Variants in STK40 observed in about 807,000 individuals in gnomAD.
STK40 encodes serine/threonine kinase 40.
Under a neutral mutation model 47.9 loss-of-function variants are expected in STK40, and 13 were observed. That is an observed-to-expected ratio of 0.27 (90% CI 0.18 to 0.43). The LOEUF is 0.43. Among genes scored for constraint, STK40 ranks in the 20% least tolerant of loss-of-function variants. The probability of loss-of-function intolerance (pLI) is 1.00; values close to 1 mark genes in which losing one functional copy is unlikely to be tolerated. For missense variants in STK40, 460 were observed against 595.1 expected (o/e 0.77, Z 2.36); for synonymous variants, 225 against 243.2 (o/e 0.93, Z 0.69).
Position 36,341,326 on chromosome 1 carries a change from A to C in STK40, c.*429T>G, listed in dbSNP as rs1303155397. The C allele has an allele frequency of 1.2e-5, 2 of 163,340 alleles. No individual in the cohort carries two copies. Among genetic ancestry groups the C allele is most frequent in the Non-Finnish European group, 2.7e-5 (2 of 74,404 alleles). The allele number at this position is 163,340 out of a possible 1,614,324, so 10.1% of individuals were successfully genotyped here. The stretch of plus-strand genomic sequence containing the variant: ...GGCCTGGGAGAGCAGGGAGGAGGGG[A>C]AGCTCGCTCTGGGGCCTGCAGCGAG... On this transcript the variant is annotated 3_prime_UTR_variant, in exon 11 of 11. Transcript: ENST00000373132.
In STK40 at chr1:36,355,212, C is replaced by G. The variant is rs758669770; in HGVS notation, c.564G>C (p.Leu188=). Residue 188 remains leucine (L), a synonymous_variant, in exon 5 of 11, where the codon CTG becomes CTC. Transcript: ENST00000373132. ...CAGCAGGGTGTGGCCTCACCTGGTG[C>G]AGGGCCTCCACCACGCGGACCACGT... The part of the protein sequence containing the change: ...FYDVVRVVEA[L]HQKNIVHRDL... The G allele has an allele frequency of 3.1e-6, 5 of 1,613,432 alleles. 1 individual carries two copies. In the South Asian group the frequency reaches 5.5e-5, roughly 18 times the overall value.
rs57138983 is a variant in STK40 at position 36,371,685 on chromosome 1, C to CAAA, written c.-8-10348_-8-10346dup. Among the ~76,000 whole-genome samples the CAAA allele has an allele frequency of 1.0e-3, 29 of 28,020 alleles. 3 individuals are homozygous for CAAA. The highest frequency in any genetic ancestry group is 2.9e-3 in the African/African-American group (26 of 8,850). 18.4% of individuals were successfully genotyped at this position (28,020 alleles called of 152,430 possible). A position where few individuals can be genotyped will look rare whatever the true frequency, so the allele number is the denominator to read the frequency against. ...GCGTGACAGAGCAAGACCCTGTCTC[C>CAAA]AAAAAAAAAAAAAAAAAAAAAAAAA... On this transcript the variant is annotated intron_variant, in intron 1 of 10. Coordinates refer to ENST00000373132, the MANE Select transcript of STK40 (RefSeq NM_001282547.2).
In STK40 at chr1:36,344,167, C is replaced by A. The variant is rs1271356966; in HGVS notation, c.837G>T (p.Pro279=). ...YGQFPFYDSI[P]QELFRKIKAA... The stretch of plus-strand genomic sequence containing the variant: ...CCTTGATCTTGCGGAAGAGCTCCTG[C>A]GGGATGCTGTCGTAGAAGGGGAACT... The change falls in exon 8 of 11, where the codon CCG becomes CCT. Residue 279 remains proline (P), a synonymous_variant. Coordinates refer to ENST00000373132, the MANE Select transcript of STK40 (RefSeq NM_001282547.2). The A allele has an allele frequency of 1.2e-6, 2 of 1,612,876 alleles. No homozygotes were observed. The highest frequency in any genetic ancestry group is 3.3e-5 in the Admixed American group (2 of 59,898).
At chr1:36,366,009 G>A (rs1459763237) in intron 1 of STK40, 2 of 152,146 alleles carry the variant, frequency 1.3e-5, no homozygotes, top group African/African-American at 2.4e-5. Context: ...CAGGGTCGGC[G>A]GCCCTGGGCC....
chr1:36,357,981 A>C lies in STK40; in HGVS notation c.342+258T>G, dbSNP rs75109758. Among the ~76,000 whole-genome samples the C allele has an allele frequency of 5.8e-3, 885 of 152,312 alleles. 6 individuals are homozygous for C. Among genetic ancestry groups the C allele is most frequent in the African/African-American group, 0.02 (835 of 41,558 alleles). On this transcript the variant is annotated intron_variant, in intron 4 of 10. Coordinates refer to ENST00000373132, the MANE Select transcript of STK40 (RefSeq NM_001282547.2). ...TCTCGGAAAAGTGGCTCTTCAAAGA[A>C]AGCCTGGCTGCTGTTAAGATGCAAA...
intron 1 of STK40, among the ~76,000 whole-genome samples, chr1:36,383,281 C>T (rs747151811): frequency 6.6e-5 from 10 of 152,220 alleles, no homozygotes; most frequent in Non-Finnish European, 1.5e-4. Flanking sequence ...TACTGCCTTC[C>T]CCAAAGGTCA....
chr1:36,358,870 CACG>C, intron 2 of STK40, 48 bp from the exon 3 acceptor site: 1 of 1,608,252 alleles, frequency 6.2e-7, no homozygotes, highest in Non-Finnish European at 8.5e-7. Flanking sequence ...CCCTGGCTGT[CACG>C]ACGCCAGGTC....
rs1349349518 is a variant in STK40 at position 36,341,622 on chromosome 1, G to A, written c.*133C>T. ...TCTGCTGACCCCACGTGTGACCTGG[G>A]CTGTCCCTGTCCCTGCCCTGTCCCT... On this transcript the variant is annotated 3_prime_UTR_variant, in exon 11 of 11. Transcript: ENST00000373132. 6 of 1,084,156 alleles carry A rather than the reference G, an allele frequency of 5.5e-6. No homozygotes were observed. Among genetic ancestry groups the A allele is most frequent in the Non-Finnish European group, 7.9e-6 (6 of 756,252 alleles). 67.2% of individuals were successfully genotyped at this position (1,084,156 alleles called of 1,614,324 possible). A position where few individuals can be genotyped will look rare whatever the true frequency, so the allele number is the denominator to read the frequency against.
intron 1 of STK40, among the ~76,000 whole-genome samples, chr1:36,375,780 G>T (rs545375268): frequency 6.6e-6 from 1 of 152,090 alleles, no homozygotes; most frequent in South Asian, 2.1e-4. Context: ...CAGCACTTTG[G>T]GAGGCTGAGG....
At chr1:36,349,564 G>T (rs533940074) in intron 6 of STK40, among the ~76,000 whole-genome samples, 85 of 152,320 alleles carry the variant, frequency 5.6e-4, no homozygotes, top group African/African-American at 2.0e-3. Flanking sequence ...CCCAGGCCCC[G>T]AATGACTTTT....
chr1:36,377,092 C>T (rs1459570800), intron 1 of STK40, among the ~76,000 whole-genome samples: 1 of 151,974 alleles, frequency 6.6e-6, no homozygotes, highest in Non-Finnish European at 1.5e-5. Flanking sequence ...TAAGTGGACA[C>T]CTCCAGTCAA....
intron 1 of STK40, among the ~76,000 whole-genome samples, chr1:36,372,425 A>G (rs1646956556): frequency 7.5e-6 from 1 of 132,532 alleles, no homozygotes; most frequent in African/African-American, 3.4e-5. Flanking sequence ...CCTTGTCTCA[A>G]AAAAAAAAAA....
chr1:36,377,424 T>G (rs1344477761), intron 1 of STK40, among the ~76,000 whole-genome samples: 1 of 149,620 alleles, frequency 6.7e-6, no homozygotes, highest in Middle Eastern at 3.2e-3. Flanking sequence ...TCCCAGCTAC[T>G]CGGGAGGCTG....
chr1:36,364,995 T>TC (rs1017325882), intron 1 of STK40, among the ~76,000 whole-genome samples: 2 of 148,942 alleles, frequency 1.3e-5, no homozygotes, highest in Admixed American at 6.6e-5. Context: ...ATTCTTTTTT[T>TC]TTTTTTTTTT....
intron 1 of STK40, among the ~76,000 whole-genome samples, chr1:36,385,367 G>A (rs113540303): frequency 1.3e-5 from 2 of 152,224 alleles, no homozygotes; most frequent in Non-Finnish European, 1.5e-5. Flanking sequence ...GGATTAGGAG[G>A]GAAACACGGA....
At chr1:36,379,957 C>A (rs1363667745) in intron 1 of STK40, among the ~76,000 whole-genome samples, 3 of 152,162 alleles carry the variant, frequency 2.0e-5, no homozygotes, top group African/African-American at 7.2e-5. Context: ...GAGTAGAATG[C>A]AGAAAATAAC....
intron 5 of STK40, among the ~76,000 whole-genome samples, chr1:36,354,682 G>C (rs1012808642): frequency 6.6e-6 from 1 of 152,146 alleles, no homozygotes; most frequent in Non-Finnish European, 1.5e-5. Flanking sequence ...GCAGTGGCTG[G>C]TGGCGAAAGT....
chr1:36,375,540 C>T (rs1014263613), intron 1 of STK40, among the ~76,000 whole-genome samples: 1 of 151,760 alleles, frequency 6.6e-6, no homozygotes, highest in Non-Finnish European at 1.5e-5. Flanking sequence ...ATGTTTCCTT[C>T]TTTCTATCCC....
At chr1:36,356,671 C>T (rs913059120) in intron 4 of STK40, among the ~76,000 whole-genome samples, 4 of 152,000 alleles carry the variant, frequency 2.6e-5, no homozygotes, top group African/African-American at 7.3e-5. Context: ...ATGATCCGCC[C>T]GCCTTAGCCT....
Sources: gnomAD v4.1 joint callset for allele counts (sites outside exome capture counted in the v4.1 genomes callset) on GRCh38, gnomAD v4.1.1 for gene constraint, MANE v1.5 for transcripts, NCBI Gene and HGNC (gene_info 2026-07-23, HGNC 2026-07-21) for gene names.